The following SPATA16 variants were observed in gnomAD, a reference collection of about 807,000 sequenced individuals.
The protein encoded by SPATA16 is spermatogenesis associated 16, also known as spermatogenesis-associated protein 16.
Under a neutral mutation model 63.3 loss-of-function variants are expected in SPATA16, and 36 were observed. That is an observed-to-expected ratio of 0.57 (90% CI 0.44 to 0.75). SPATA16 has a LOEUF of 0.75. SPATA16 is among the 30% of genes least tolerant of loss of function. The pLI is 0.00. For synonymous variants in SPATA16, 203 were observed against 216.7 expected, an observed-to-expected ratio of 0.94 and a Z score of 0.56; for missense variants, 646 against 679.3, an observed-to-expected ratio of 0.95 and a Z score of 0.54.
At chr3:172,906,747 A>G (rs372893093) in intron 10 of SPATA16, among the ~76,000 whole-genome samples, 14,645 of 151,718 alleles carry the variant, frequency 0.097, 803 homozygotes, top group African/African-American at 0.14. Context: ...TTACTTTTTT[A>G]TTTTTTATTT....
At chr3:172,969,205 A>C (rs1733991268) in intron 5 of SPATA16, among the ~76,000 whole-genome samples, 1 of 152,190 alleles carries the variant, frequency 6.6e-6, no homozygotes, top group South Asian at 2.1e-4. Context: ...ATGGGGAGAA[A>C]GGGACAGCAA....
Position 173,007,651 on chromosome 3 carries a change from CATG to C in SPATA16, c.848+11832_848+11834del, listed in dbSNP as rs763214995. On this transcript the variant is annotated intron_variant, in intron 4 of 10. Transcript: ENST00000351008. The stretch of plus-strand genomic sequence containing the variant: ...TATTTTTATTATTTAATCTATTTCT[CATG>C]ATAATAAATGTTATATGATATTAAA... Among the ~76,000 whole-genome samples, 6 of 152,006 alleles carry C rather than the reference CATG, an allele frequency of 3.9e-5. No individual in the cohort carries two copies. The South Asian group carries it at 6.2e-4, about 16-fold the overall frequency.
chr3:172,899,519 A>T (rs942386686), intron 10 of SPATA16, among the ~76,000 whole-genome samples: 1 of 151,974 alleles, frequency 6.6e-6, no homozygotes, highest in African/African-American at 2.4e-5. Context: ...AGCTTTCTAC[A>T]TCATCATATT....
chr3:173,100,710 A>AGC (rs1737470690), intron 2 of SPATA16, among the ~76,000 whole-genome samples: 1 of 145,338 alleles, frequency 6.9e-6, no homozygotes, highest in Non-Finnish European at 1.5e-5. Flanking sequence ...ACACACACAG[A>AGC]GTAAATTCTT....
chr3:172,950,874 A>G (rs11927908), intron 6 of SPATA16, among the ~76,000 whole-genome samples: 5,039 of 152,176 alleles, frequency 0.033, 269 homozygotes, highest in African/African-American at 0.12. Context: ...TCTATTAAAC[A>G]TTACTAACCA....
At chr3:172,974,185 G>A (rs750001488) in intron 5 of SPATA16, among the ~76,000 whole-genome samples, 3 of 152,010 alleles carry the variant, frequency 2.0e-5, no homozygotes, top group Non-Finnish European at 4.4e-5. Flanking sequence ...AAATATAGAC[G>A]TGTTCTCAAA....
intron 4 of SPATA16, among the ~76,000 whole-genome samples, chr3:173,000,687 C>T (rs1734799383): frequency 1.3e-5 from 2 of 150,438 alleles, no homozygotes; most frequent in East Asian, 1.9e-4. Flanking sequence ...TCCTTTTTGT[C>T]CCACAGTTCT....
chr3:173,102,159 T>C (rs1453262627), intron 2 of SPATA16, among the ~76,000 whole-genome samples: 1 of 152,214 alleles, frequency 6.6e-6, no homozygotes, highest in Non-Finnish European at 1.5e-5. Context: ...CTCTGTAGTC[T>C]GTCTAATCTT....
intron 10 of SPATA16, among the ~76,000 whole-genome samples, chr3:172,898,019 A>G (rs906247641): frequency 6.6e-6 from 1 of 151,936 alleles, no homozygotes; most frequent in Non-Finnish European, 1.5e-5. Context: ...ATAATCTTGT[A>G]ATTTTTCTTC....
chr3:172,896,894 T>C (rs1732020904), intron 10 of SPATA16, among the ~76,000 whole-genome samples: 2 of 152,084 alleles, frequency 1.3e-5, no homozygotes, highest in South Asian at 2.1e-4. Context: ...TGAGCTTTTT[T>C]TCATCCTTTT....
Position 173,117,123 on chromosome 3 carries a change from AAGT to A in SPATA16, c.606_608del (p.Leu203del). 6.2e-7 allele frequency: 1 copy of A among 1,614,026 alleles called. No homozygotes were observed. Among genetic ancestry groups the A allele is most frequent in the Non-Finnish European group, 8.5e-7 (1 of 1,179,912 alleles). On this transcript the variant is annotated inframe_deletion, in exon 2 of 11. Transcript: ENST00000351008. ...TATATTTTCTTTAATCCCATACCTC[AAGT>A]GCTGTTCTGAACTGTCCTGCTGCCA...
chr3:173,073,618 T>C (rs1736723014), intron 2 of SPATA16, among the ~76,000 whole-genome samples: 2 of 152,194 alleles, frequency 1.3e-5, no homozygotes, highest in Non-Finnish European at 2.9e-5. Flanking sequence ...GCCTAGATTT[T>C]AGAGGATGTA....
At chr3:172,993,728 G>T (rs1272902981) in intron 4 of SPATA16, among the ~76,000 whole-genome samples, 1 of 152,060 alleles carries the variant, frequency 6.6e-6, no homozygotes, top group Non-Finnish European at 1.5e-5. Context: ...ACTTCTAAGG[G>T]TATTTCTGAC....
intron 3 of SPATA16, among the ~76,000 whole-genome samples, chr3:173,022,238 C>A (rs188351858): frequency 5.3e-4 from 81 of 152,070 alleles, no homozygotes; most frequent in Non-Finnish European, 9.0e-4. Context: ...TGAAGAAATG[C>A]AAGTAGAGGA....
chr3:172,983,806 C>T (rs16846363), intron 4 of SPATA16, among the ~76,000 whole-genome samples: 5,259 of 151,984 alleles, frequency 0.035, 316 homozygotes, highest in African/African-American at 0.12. Flanking sequence ...ACATATTTTC[C>T]ACACAGCAGC....
At chr3:172,934,159 C>G (rs1284174337) in intron 6 of SPATA16, among the ~76,000 whole-genome samples, 1 of 151,788 alleles carries the variant, frequency 6.6e-6, no homozygotes, top group Non-Finnish European at 1.5e-5. Flanking sequence ...AATTCTACAT[C>G]TCACAGAAAA....
At chr3:173,117,865 T>G (rs1737951380) in intron 1 of SPATA16, 116 bp from the exon 2 acceptor site, 1 of 1,511,212 alleles carries the variant, frequency 6.6e-7, no homozygotes, top group Non-Finnish European at 8.9e-7. Context: ...TTTGTTGCCT[T>G]GTAAGTAAAA....
At chr3:172,943,430 A>G (rs997791315) in intron 6 of SPATA16, among the ~76,000 whole-genome samples, 3 of 152,212 alleles carry the variant, frequency 2.0e-5, no homozygotes, top group African/African-American at 4.8e-5. Flanking sequence ...CAAACCAAAA[A>G]GAAAGAATGA....
At chr3:172,964,120 C>T (rs907132881) in intron 5 of SPATA16, among the ~76,000 whole-genome samples, 3 of 152,178 alleles carry the variant, frequency 2.0e-5, no homozygotes, top group African/African-American at 7.2e-5. Context: ...TCATCACTCA[C>T]ACCTACTGGC....
Sources: allele counts gnomAD v4.1 joint callset (sites outside exome capture counted in the v4.1 genomes callset), GRCh38; gene constraint gnomAD v4.1.1; transcripts MANE v1.5; gene names NCBI Gene and HGNC (gene_info 2026-07-23, HGNC 2026-07-21).